RORA: variants seen among roughly 807,000 people sequenced by gnomAD.
The protein encoded by RORA is RAR related orphan receptor A.
Under a neutral mutation model 69.5 loss-of-function variants are expected in RORA, and 7 were observed. The ratio of observed to expected loss-of-function variants is 0.10; its 90% CI spans 0.06 to 0.19. The LOEUF (loss-of-function observed/expected upper bound fraction) is 0.19. RORA is among the 10% of genes least tolerant of loss of function. The pLI, the probability that RORA is intolerant of heterozygous loss-of-function variation, is 1.00. For missense variants in RORA, 457 were observed against 663.0 expected (o/e 0.69, Z 3.41); for synonymous variants, 261 against 240.8 (o/e 1.08, Z -0.78).
chr15:60,838,656 C>A (rs144017875), intron 1 of RORA, among the ~76,000 whole-genome samples: 1 of 152,196 alleles, frequency 6.6e-6, no homozygotes, highest in Non-Finnish European at 1.5e-5. Context: ...TTGTAGGTAT[C>A]AAAAAGTGTG....
chr15:60,508,025 C>G (rs534093862), intron 5 of RORA, among the ~76,000 whole-genome samples: 1 of 152,212 alleles, frequency 6.6e-6, no homozygotes, highest in African/African-American at 2.4e-5. Flanking sequence ...TGCTCACCAA[C>G]AGCCTTTCAT....
intron 1 of RORA, among the ~76,000 whole-genome samples, chr15:60,946,377 T>C (rs1014991496): frequency 1.3e-5 from 2 of 152,174 alleles, no homozygotes; most frequent in East Asian, 3.9e-4. Context: ...GCCTGATTCT[T>C]CTGCCTCAGC....
chr15:60,617,157 A>G (rs1157727421), intron 2 of RORA, among the ~76,000 whole-genome samples: 1 of 152,212 alleles, frequency 6.6e-6, no homozygotes, highest in Non-Finnish European at 1.5e-5. Flanking sequence ...GTACAGTAGG[A>G]CAGGGAGTGT....
At chr15:60,652,977 T>A (rs2070166224) in intron 2 of RORA, among the ~76,000 whole-genome samples, 1 of 152,228 alleles carries the variant, frequency 6.6e-6, no homozygotes, top group African/African-American at 2.4e-5. Context: ...ATGACAGGCT[T>A]TGATGCTCAC....
At chr15:60,555,994 C>T (rs2067347022) in intron 2 of RORA, among the ~76,000 whole-genome samples, 1 of 152,162 alleles carries the variant, frequency 6.6e-6, no homozygotes, top group Non-Finnish European at 1.5e-5. Flanking sequence ...CATCTCAAAA[C>T]ACCCATCTGT....
chr15:60,710,436 C>T (rs969711126), intron 1 of RORA, among the ~76,000 whole-genome samples: 8 of 152,006 alleles, frequency 5.3e-5, no homozygotes, highest in African/African-American at 1.4e-4. Context: ...TGCAGTGAGC[C>T]GAGATGGCGC....
intron 1 of RORA, among the ~76,000 whole-genome samples, chr15:60,721,619 A>T (rs1453525921): frequency 6.6e-6 from 1 of 152,284 alleles, no homozygotes; most frequent in African/African-American, 2.4e-5. Flanking sequence ...AACTGCTAGT[A>T]AACAAGTTTC....
At chr15:60,725,340 T>C (rs1419956720) in intron 1 of RORA, among the ~76,000 whole-genome samples, 1 of 152,236 alleles carries the variant, frequency 6.6e-6, no homozygotes, top group Non-Finnish European at 1.5e-5. Flanking sequence ...CTTAGTGATA[T>C]GCATCATGGT....
At chr15:61,093,422 T>A (rs1369754763) in intron 1 of RORA, among the ~76,000 whole-genome samples, 1 of 152,168 alleles carries the variant, frequency 6.6e-6, no homozygotes, top group African/African-American at 2.4e-5. Context: ...TGAGGCCACA[T>A]GGTGGACTAT....
At chr15:61,156,800 T>A (rs1181744491) in intron 1 of RORA, among the ~76,000 whole-genome samples, 2 of 152,206 alleles carry the variant, frequency 1.3e-5, no homozygotes, top group African/African-American at 4.8e-5. Flanking sequence ...GTCACACTTT[T>A]ATAACTTAGT....
chr15:61,190,035 T>C (rs2079782476), intron 1 of RORA, among the ~76,000 whole-genome samples: 1 of 152,034 alleles, frequency 6.6e-6, no homozygotes, highest in Admixed American at 6.5e-5. Flanking sequence ...AAAGAATAAA[T>C]GAGATTTATA....
chr15:60,592,480 G>A (rs2068558066), intron 2 of RORA: 23 of 1,342,394 alleles, frequency 1.7e-5, no homozygotes, highest in Admixed American at 3.6e-5. Flanking sequence ...CCCCTCTGCC[G>A]CCGCCGCGCC....
intron 1 of RORA, among the ~76,000 whole-genome samples, chr15:60,746,897 C>T (rs2071656358): frequency 6.6e-6 from 1 of 152,126 alleles, no homozygotes; most frequent in African/African-American, 2.4e-5. Flanking sequence ...ACTTCATTTC[C>T]AGTGGGGAAG....
At chr15:60,869,841 T>C (rs752729618) in intron 1 of RORA, among the ~76,000 whole-genome samples, 2 of 152,218 alleles carry the variant, frequency 1.3e-5, no homozygotes, top group Non-Finnish European at 2.9e-5. Context: ...TCTTGTTCCC[T>C]CTGGCTTGGT....
intron 1 of RORA, among the ~76,000 whole-genome samples, chr15:60,887,261 C>T (rs1595793387): frequency 2.0e-5 from 3 of 152,102 alleles, no homozygotes; most frequent in Admixed American, 2.0e-4. Context: ...AGATTTGCAA[C>T]CTTTCGTGGC....
intron 1 of RORA, among the ~76,000 whole-genome samples, chr15:61,203,788 T>C (rs1386722175): frequency 1.3e-5 from 2 of 151,782 alleles, no homozygotes; most frequent in Non-Finnish European, 2.9e-5. Flanking sequence ...AAAGAGAAAA[T>C]CTTAAAAGCA....
At chr15:60,945,606 CATAACA>C (rs1223878308) in intron 1 of RORA, among the ~76,000 whole-genome samples, 1 of 152,172 alleles carries the variant, frequency 6.6e-6, no homozygotes, top group Admixed American at 6.5e-5. Flanking sequence ...CCCTGCCATG[CATAACA>C]ATATGTTCCA....
intron 1 of RORA, among the ~76,000 whole-genome samples, chr15:61,177,894 G>A (rs144040307): frequency 2.1e-3 from 325 of 151,658 alleles, no homozygotes; most frequent in South Asian, 2.7e-3. Context: ...CTCAGGAAGC[G>A]GAGGCTGCAG....
intron 2 of RORA, among the ~76,000 whole-genome samples, chr15:60,655,792 A>T (rs2070212936): frequency 6.6e-6 from 1 of 152,150 alleles, no homozygotes; most frequent in South Asian, 2.1e-4. Flanking sequence ...GGCCACACAT[A>T]TTCTGGGCAC....
Sources: gnomAD v4.1 joint callset for allele counts (sites outside exome capture counted in the v4.1 genomes callset) on GRCh38, gnomAD v4.1.1 for gene constraint, MANE v1.5 for transcripts, NCBI Gene and HGNC (gene_info 2026-07-23, HGNC 2026-07-21) for gene names.